NRL: variants seen among roughly 807,000 people sequenced by gnomAD.
NRL encodes the protein neural retina-specific leucine zipper protein.
In NRL, 16 loss-of-function variants were observed where a neutral mutation model predicts 12.5. That is an observed-to-expected ratio of 1.28 (90% CI 0.87 to 1.95). NRL has a LOEUF of 1.95. NRL is among the 30% of genes most tolerant of loss of function. The pLI is 0.00. For missense variants in NRL, 314 were observed against 325.8 expected (o/e 0.96, Z 0.28); for synonymous variants, 142 against 150.9 (o/e 0.94, Z 0.43).
chr14:24,082,339 C>T (rs1440206389), intron 2 of NRL, 129 bp downstream of exon 2: 1 of 1,164,942 alleles, frequency 8.6e-7, no homozygotes, highest in Non-Finnish European at 1.3e-6. Context: ...TTCAAGGGAC[C>T]TTCTCCCCTT....
intron 1 of NRL, chr14:24,098,976 C>A: frequency 5.8e-6 from 7 of 1,203,426 alleles, no homozygotes. Context: ...CCTGCCAATC[C>A]CTGATCCCTC....
rs112604236 is a variant in NRL, at chr14:24,079,210, G to C, written c.*2026C>G. Among the ~76,000 whole-genome samples the C allele has an allele frequency of 6.6e-6, 1 of 152,160 alleles. No homozygotes were observed. The highest frequency in any genetic ancestry group is 2.4e-5 in the African/African-American group (1 of 41,432). On this transcript the variant is annotated 3_prime_UTR_variant, in exon 3 of 3. Transcript: ENST00000561028. ...TATATGTGGCCTAGTTGTGTGCTCA[G>C]GTGTCTATGGATGGTTCTGTCTGTC...
chr14:24,081,691 G>T lies in NRL; in HGVS notation c.382-123C>A, dbSNP rs553960472. The T allele has an allele frequency of 8.5e-6, 13 of 1,526,544 alleles. No homozygotes were observed. In the South Asian group the frequency reaches 1.4e-4, roughly 17 times the overall value. The allele number at this position is 1,526,544 out of a possible 1,614,324, so 94.6% of individuals were successfully genotyped here. ...GCCCCGGCTCCCACCTTCACCGGAA[G>T]GCTCGCCCTTCCACGCAGTCTGTTT... On this transcript the variant is annotated intron_variant, in intron 2 of 2. Coordinates refer to ENST00000561028, the MANE Select transcript of NRL (RefSeq NM_001354768.3). The surrounding 1 kb of genome is among the most constrained non-coding windows in gnomAD (Gnocchi z 4.4).
chr14:24,100,113 G>C (rs755036108), intron 1 of NRL: 1 of 1,613,074 alleles, frequency 6.2e-7, no homozygotes, highest in Non-Finnish European at 8.5e-7. Flanking sequence ...TTACCAATGT[G>C]GCTGAGACCA....
At chr14:24,103,165 C>T (rs911134655) in intron 1 of NRL, 5 of 1,612,538 alleles carry the variant, frequency 3.1e-6, no homozygotes, top group African/African-American at 2.7e-5. Context: ...TCTAGGGGTA[C>T]CCCTGGTATA....
intron 1 of NRL, among the ~76,000 whole-genome samples, chr14:24,104,845 G>C (rs1179964809): frequency 6.6e-6 from 1 of 152,136 alleles, no homozygotes; most frequent in Non-Finnish European, 1.5e-5. Context: ...GAGCTGCATA[G>C]TATTCATGGA....
chr14:24,101,633 C>G (rs767194271), intron 1 of NRL, among the ~76,000 whole-genome samples: 1 of 152,196 alleles, frequency 6.6e-6, no homozygotes, highest in Non-Finnish European at 1.5e-5. Context: ...GCTTTAAAAT[C>G]AATTCCTTGC....
intron 1 of NRL, among the ~76,000 whole-genome samples, chr14:24,101,191 A>G (rs1245193875): frequency 2.0e-5 from 3 of 152,020 alleles, no homozygotes; most frequent in African/African-American, 7.3e-5. Context: ...TAGTTCCCCA[A>G]CCCTTTCATC....
chr14:24,103,182 C>T (rs2037233118), intron 1 of NRL: 2 of 1,613,912 alleles, frequency 1.2e-6, no homozygotes, highest in Non-Finnish European at 1.7e-6. Context: ...TATACGAGGC[C>T]TTCAACTGGC....
Position 24,098,214 on chromosome 14 carries a change from G to A in NRL, c.-27-15339C>T, listed in dbSNP as rs770940344. 1.2e-4 allele frequency: 186 copies of A among 1,608,938 alleles called. No individual in the cohort carries two copies. In the South Asian group the frequency reaches 1.4e-3, roughly 12 times the overall value. On this transcript the variant is annotated intron_variant, in intron 1 of 2. Coordinates refer to ENST00000561028, the MANE Select transcript of NRL (RefSeq NM_001354768.3). ...CCCCTCTCCCCCAGCTGGCTGGCCC[G>A]CACAGACCCCAAGGATGTGGCACGA...
chr14:24,088,564 C>A (rs1594261500), intron 1 of NRL, among the ~76,000 whole-genome samples: 1 of 152,188 alleles, frequency 6.6e-6, no homozygotes, highest in Non-Finnish European at 1.5e-5. Context: ...GCCTTCCAGG[C>A]CATTGTGAAG....
chr14:24,103,318 C>T lies in NRL; in HGVS notation c.-28+11404G>A. The T allele has an allele frequency of 7.3e-6, 10 of 1,372,184 alleles. No homozygotes were observed. The South Asian group carries it at 1.2e-4, about 16-fold the overall frequency. 85.0% of individuals were successfully genotyped at this position (1,372,184 alleles called of 1,614,324 possible). The stretch of plus-strand genomic sequence containing the variant: ...CACACAGCACGTCCTCTCTCCCTTC[C>T]TGAGCCAGACCTTCCTTTTGTCCAC... On this transcript the variant is annotated intron_variant, in intron 1 of 2. Coordinates refer to ENST00000561028, the MANE Select transcript of NRL (RefSeq NM_001354768.3).
At chr14:24,083,591 C>A (rs1307554893) in intron 1 of NRL, among the ~76,000 whole-genome samples, 3 of 152,238 alleles carry the variant, frequency 2.0e-5, no homozygotes, top group African/African-American at 4.8e-5. Flanking sequence ...CTATTCAGAA[C>A]TTGTTACGTT....
At chr14:24,083,022 C>A (rs1358741880) in intron 1 of NRL, 147 bp from the exon 2 acceptor site, 2 of 737,662 alleles carry the variant, frequency 2.7e-6, no homozygotes, top group African/African-American at 1.8e-5. Flanking sequence ...ACTGCAGAGT[C>A]CCCACCAGGC....
chr14:24,103,507 C>G lies in NRL; in HGVS notation c.-28+11215G>C, dbSNP rs111490053. 57 of 1,542,278 alleles carry G rather than the reference C, an allele frequency of 3.7e-5. No individual in the cohort carries two copies. The East Asian group carries it at 5.9e-4, about 16-fold the overall frequency. ...TTCCTTACCCATCTTGCTTCCCCCC[C>G]AGGGAAGATCATCATGCACGACCCA... is the stretch of plus-strand genomic sequence containing the variant. On this transcript the variant is annotated intron_variant, in intron 1 of 2. Coordinates refer to ENST00000561028, the MANE Select transcript of NRL (RefSeq NM_001354768.3).
intron 1 of NRL, among the ~76,000 whole-genome samples, chr14:24,090,117 G>A (rs755037696): frequency 5.3e-5 from 8 of 152,078 alleles, no homozygotes; most frequent in Non-Finnish European, 8.8e-5. Flanking sequence ...GAAGGATCAC[G>A]TATGTCAGCA....
chr14:24,090,733 A>T (rs575858350), intron 1 of NRL, among the ~76,000 whole-genome samples: 1 of 152,340 alleles, frequency 6.6e-6, no homozygotes, highest in East Asian at 1.9e-4. Context: ...ACATAGGGCC[A>T]GCTGGTGGGC....
At chr14:24,103,362 C>A in intron 1 of NRL, 2 of 1,142,812 alleles carry the variant, frequency 1.8e-6, no homozygotes, top group South Asian at 1.3e-5. Context: ...TCTGATATGG[C>A]CCCACCTCTT....
chr14:24,109,548 A>C (rs1351955477), intron 1 of NRL, among the ~76,000 whole-genome samples: 1 of 151,954 alleles, frequency 6.6e-6, no homozygotes, highest in Non-Finnish European at 1.5e-5. Context: ...AATACAAAAA[A>C]TTAGCCGGGC....
Sources: gnomAD v4.1 joint callset for allele counts (sites outside exome capture counted in the v4.1 genomes callset) on GRCh38, gnomAD v4.1.1 for gene constraint, Gnocchi (gnomAD v3.1) non-coding constraint, MANE v1.5 for transcripts, NCBI Gene and HGNC (gene_info 2026-07-23, HGNC 2026-07-21) for gene names.